Variants in ELF1 observed in about 807,000 individuals in gnomAD.
ELF1 encodes the protein E74 like ETS transcription factor 1, also known as ETS-related transcription factor Elf-1.
In ELF1, 24 loss-of-function variants were observed where a neutral mutation model predicts 59.9. That is an observed-to-expected ratio of 0.40 (90% CI 0.29 to 0.56). The LOEUF (loss-of-function observed/expected upper bound fraction) is 0.56, where lower values mean the gene tolerates loss of function less well. ELF1 is among the 20% of genes least tolerant of loss of function. The probability of loss-of-function intolerance (pLI) is 0.44; values close to 1 mark genes in which losing one functional copy is unlikely to be tolerated. For missense variants in ELF1, 627 were observed against 742.2 expected, an observed-to-expected ratio of 0.84 and a Z score of 1.80; for synonymous variants, 248 against 266.2, an observed-to-expected ratio of 0.93 and a Z score of 0.67.
chr13:41,021,802 C>A (rs1329949814), upstream of ELF1, among the ~76,000 whole-genome samples: 1 of 152,100 alleles, frequency 6.6e-6, no homozygotes, highest in African/African-American at 2.4e-5. Context: ...AGAAGTCATA[C>A]AGATGGCAAA....
chr13:41,001,956 A>G (rs969351298), intron 1 of ELF1, among the ~76,000 whole-genome samples: 5 of 152,212 alleles, frequency 3.3e-5, no homozygotes, highest in African/African-American at 1.2e-4. Flanking sequence ...CTCGTTCAAT[A>G]TCTAACTCCT....
rs749753421 is a variant in ELF1 at position 41,053,076 on chromosome 13, AGGCACTGT to A, written c.-229+7754_-229+7761del. Among the ~76,000 whole-genome samples, 115 of 152,318 alleles carry A rather than the reference AGGCACTGT, an allele frequency of 7.5e-4. 1 individual carries two copies. Among genetic ancestry groups the A allele is most frequent in the Admixed American group, 1.6e-3 (25 of 15,300 alleles). On this transcript the variant is annotated intron_variant, in intron 1 of 1. Transcript: ENST00000405737. ...AAATATTTAAATAATTAAAATCACCAGGCACTGTGGCTCACGCCTGTAATCTCAGCACT... is the reference window on the plus strand; with the variant it reads ...AAATATTTAAATAATTAAAATCACCAGGCTCACGCCTGTAATCTCAGCACT...
chr13:41,033,418 GA>G (rs1876250276), intron 1 of ELF1, among the ~76,000 whole-genome samples: 1 of 152,174 alleles, frequency 6.6e-6, no homozygotes, highest in Non-Finnish European at 1.5e-5. Flanking sequence ...AGAGGCAGAT[GA>G]ACAAGCTGCA....
exon 1 of ELF1, chr13:41,061,353 C>T (rs1324522740): frequency 8.5e-6 from 4 of 472,510 alleles, no homozygotes; most frequent in African/African-American, 7.9e-5. Context: ...GCTTGAGATC[C>T]CGTCCTTCAG....
intron 3 of ELF1, among the ~76,000 whole-genome samples, chr13:40,953,433 C>T (rs1053032516): frequency 5.9e-5 from 9 of 152,046 alleles, no homozygotes; most frequent in African/African-American, 2.2e-4. Flanking sequence ...TGGTTAGTGT[C>T]CCTCTAAGAT....
At chr13:41,011,860 T>C (rs182217248) in intron 1 of ELF1, among the ~76,000 whole-genome samples, 1 of 152,242 alleles carries the variant, frequency 6.6e-6, no homozygotes, top group African/African-American at 2.4e-5. Flanking sequence ...CCCAAGTGGC[T>C]GGGACTACAG....
intron 2 of ELF1, among the ~76,000 whole-genome samples, chr13:40,974,648 T>C (rs1463388049): frequency 1.3e-5 from 2 of 152,176 alleles, no homozygotes; most frequent in African/African-American, 4.8e-5. Context: ...TTCTACCCTA[T>C]ACAATGATCT....
chr13:40,971,175 A>T (rs1872527905), intron 2 of ELF1, among the ~76,000 whole-genome samples: 1 of 152,238 alleles, frequency 6.6e-6, no homozygotes, highest in South Asian at 2.1e-4. Flanking sequence ...TAACGCTTGG[A>T]TAAAAAATGT....
intron 1 of ELF1, among the ~76,000 whole-genome samples, chr13:41,026,548 T>C (rs951024289): frequency 3.3e-5 from 5 of 152,180 alleles, no homozygotes; most frequent in African/African-American, 9.7e-5. Flanking sequence ...CCTCTCTCTA[T>C]AGGTAAATCA....
At chr13:41,061,372 C>T (rs1448664861) in exon 1 of ELF1, 6 of 521,268 alleles carry the variant, frequency 1.2e-5, no homozygotes, top group South Asian at 6.6e-5. Flanking sequence ...AGCTCAGGTC[C>T]CGTCGCGCTT....
At chr13:41,013,726 C>CTATGTTT (rs1875204810) in intron 1 of ELF1, among the ~76,000 whole-genome samples, 1 of 151,350 alleles carries the variant, frequency 6.6e-6, no homozygotes, top group Non-Finnish European at 1.5e-5. Flanking sequence ...TATTTAAACT[C>CTATGTTT]TATGTTTTAT....
chr13:41,043,337 T>C (rs1187414237), intron 1 of ELF1, among the ~76,000 whole-genome samples: 4 of 152,242 alleles, frequency 2.6e-5, no homozygotes, highest in Non-Finnish European at 4.4e-5. Flanking sequence ...TTTTGGCTTT[T>C]GTTGCCATTG....
intron 1 of ELF1, among the ~76,000 whole-genome samples, chr13:41,055,523 C>A (rs1877251681): frequency 1.3e-5 from 2 of 151,758 alleles, no homozygotes; most frequent in African/African-American, 2.4e-5. Flanking sequence ...ACACTTATGA[C>A]CCCTGGCTTA....
At chr13:40,962,729 T>C (rs1295319727) in intron 2 of ELF1, among the ~76,000 whole-genome samples, 1 of 150,742 alleles carries the variant, frequency 6.6e-6, no homozygotes, top group African/African-American at 2.4e-5. Context: ...CACATGGTTC[T>C]GTGATTTAGA....
intron 1 of ELF1, among the ~76,000 whole-genome samples, chr13:41,049,826 A>G (rs776470243): frequency 1.3e-5 from 2 of 152,130 alleles, no homozygotes; most frequent in Non-Finnish European, 2.9e-5. Flanking sequence ...TACTTGTTCA[A>G]TCCATGTCCG....
chr13:41,010,493 A>G (rs900642417), intron 1 of ELF1, among the ~76,000 whole-genome samples: 3 of 125,672 alleles, frequency 2.4e-5, no homozygotes, highest in Admixed American at 9.4e-5. Context: ...TATGAGGTGT[A>G]TGTGTGTGTG....
At chr13:40,941,443 A>G in intron 7 of ELF1, 73 bp from the exon 8 acceptor site, 1 of 1,382,740 alleles carries the variant, frequency 7.2e-7, no homozygotes, top group Non-Finnish European at 9.8e-7. Context: ...AATTTCCCTA[A>G]TCATAAACAA....
chr13:41,052,621 C>T (rs1877130728), intron 1 of ELF1, among the ~76,000 whole-genome samples: 1 of 152,128 alleles, frequency 6.6e-6, no homozygotes, highest in South Asian at 2.1e-4. Flanking sequence ...AAAGCCAAGG[C>T]GGGAAGATCA....
chr13:40,985,425 CA>C (rs1352432209), intron 1 of ELF1, among the ~76,000 whole-genome samples: 1 of 152,136 alleles, frequency 6.6e-6, no homozygotes, highest in African/African-American at 2.4e-5. Context: ...ACAAGCAAAA[CA>C]GAACTAAAAC....
Sources: allele counts gnomAD v4.1 joint callset (sites outside exome capture counted in the v4.1 genomes callset), GRCh38; gene constraint gnomAD v4.1.1; transcripts MANE v1.5; gene names NCBI Gene and HGNC (gene_info 2026-07-23, HGNC 2026-07-21).